The following CEP41 variants were observed in gnomAD, a reference collection of about 807,000 sequenced individuals.
CEP41 encodes the protein centrosomal protein 41.
A neutral mutation model predicts 44.3 loss-of-function variants in CEP41; 32 were observed. The observed-to-expected ratio is 0.72, with a 90% CI of 0.54 to 0.97. The LOEUF is 0.97. Among genes scored for constraint, CEP41 ranks in the 50% least tolerant of loss-of-function variants. CEP41 has a pLI of 0.00. For missense variants in CEP41, 432 were observed against 455.2 expected (o/e 0.95, Z 0.46); for synonymous variants, 151 against 168.5 (o/e 0.90, Z 0.80).
At chr7:130,419,967 A>G in intron 2 of CEP41, 1 of 985,296 alleles carries the variant, frequency 1.0e-6, no homozygotes, top group Non-Finnish European at 1.2e-6. Flanking sequence ...ACACACACAC[A>G]CACACGTATG....
intron 5 of CEP41, among the ~76,000 whole-genome samples, chr7:130,410,357 T>C (rs1554419269): frequency 6.6e-6 from 1 of 152,106 alleles, no homozygotes; most frequent in African/African-American, 2.4e-5. Flanking sequence ...CTTGGTCTTC[T>C]AACTGGAAGT....
chr7:130,431,778 AC>A (rs1336289814), intron 1 of CEP41, among the ~76,000 whole-genome samples: 1 of 152,158 alleles, frequency 6.6e-6, no homozygotes, highest in African/African-American at 2.4e-5. Context: ...AGCGGGAAAT[AC>A]GGGGACAAAC....
In CEP41 at chr7:130,400,038, C is replaced by T; in HGVS notation, c.973+1G>A. 2 of 1,586,122 alleles carry T rather than the reference C, an allele frequency of 1.3e-6. No homozygotes were observed. Among genetic ancestry groups the T allele is most frequent in the Non-Finnish European group, 1.7e-6 (2 of 1,156,092 alleles). On this transcript the variant is annotated splice_donor_variant, in intron 10 of 10. Transcript: ENST00000223208. LOFTEE classifies it high-confidence loss of function. ...TATCTTTAAAGGTCAAAAGATCTTA[C>T]TAGGATGATCTGCAGGCCCTTGCTC...
intron 1 of CEP41, among the ~76,000 whole-genome samples, chr7:130,439,631 T>C (rs1456192070): frequency 6.6e-6 from 1 of 152,204 alleles, no homozygotes; most frequent in South Asian, 2.1e-4. Flanking sequence ...ATGCAGCATT[T>C]AGACATTACC....
At position 130,416,966 on chromosome 7, in the gene CEP41, C is replaced by A. The variant is rs782494512; in HGVS notation, c.98G>T (p.Gly33Val). ...YQHIKSRLDT[G>V]NSMTKYTEKL... is the part of the protein sequence containing the mutation. ...CTCAGTATATTTAGTCATACTGTTA[C>A]CTAAAAAGAAAATAAGGGGTTTTAG... is the stretch of plus-strand genomic sequence containing the variant. The change falls in exon 3 of 11, where the codon GGT (glycine) becomes GTT (valine). Residue 33 changes from glycine to valine, a missense_variant and splice_region_variant. Physicochemically the swap from Gly to Val is moderately radical, Grantham distance 109. Coordinates refer to ENST00000223208, the MANE Select transcript of CEP41 (RefSeq NM_018718.3). 1 of 1,567,654 alleles carries A rather than the reference C, an allele frequency of 6.4e-7. No individual in the cohort carries two copies. Among genetic ancestry groups the A allele is most frequent in the Non-Finnish European group, 8.8e-7 (1 of 1,138,020 alleles).
At position 130,421,967 on chromosome 7, in the gene CEP41, G is replaced by A. The variant is rs1484985554; in HGVS notation, c.98-5001C>T. On this transcript the variant is annotated intron_variant, in intron 2 of 10. Coordinates refer to ENST00000223208, the MANE Select transcript of CEP41 (RefSeq NM_018718.3). Reference sequence around the variant, plus strand: ...AGAAGCATAATCCATTCATGGCACAGTCTGGCAGTGCTGGGGAGCTGGTAA... The same window carrying A: ...AGAAGCATAATCCATTCATGGCACAATCTGGCAGTGCTGGGGAGCTGGTAA... The A allele has an allele frequency of 3.3e-6, 5 of 1,535,940 alleles. No homozygotes were observed. The African/African-American group carries it at 5.5e-5, about 17-fold the overall frequency.
rs1428696410 is a variant in CEP41 at position 130,394,713 on chromosome 7, A to G, written c.*4178T>C. 1 of 454,142 alleles carries G rather than the reference A, an allele frequency of 2.2e-6. No individual in the cohort carries two copies. The highest frequency in any genetic ancestry group is 2.3e-5 in the Admixed American group (1 of 42,582). 28.1% of individuals were successfully genotyped at this position (454,142 alleles called of 1,614,324 possible). ...CAGACTAGCACTGAGTGGCCACCAC[A>G]GTGGGCATCACATCCAAACTTCAAT... On this transcript the variant is annotated 3_prime_UTR_variant, in exon 11 of 11. Coordinates refer to ENST00000223208, the MANE Select transcript of CEP41 (RefSeq NM_018718.3).
At chr7:130,426,612 T>C (rs1457983113) in intron 2 of CEP41, 1 of 455,376 alleles carries the variant, frequency 2.2e-6, no homozygotes, top group Non-Finnish European at 4.4e-6. Context: ...TACAGCATTT[T>C]AAATCTAGGT....
chr7:130,439,506 C>G (rs1036948043), intron 1 of CEP41, among the ~76,000 whole-genome samples: 2 of 152,110 alleles, frequency 1.3e-5, no homozygotes, highest in Non-Finnish European at 2.9e-5. Context: ...GCCCTTGGAT[C>G]AACATCTTCC....
intron 5 of CEP41, among the ~76,000 whole-genome samples, chr7:130,410,307 G>T (rs148866589): frequency 1.3e-5 from 2 of 151,954 alleles, no homozygotes; most frequent in Non-Finnish European, 2.9e-5. Flanking sequence ...GATTATGGGG[G>T]TGAGGCACTG....
At chr7:130,420,928 A>T (rs1290389698) in intron 2 of CEP41, 1 of 981,290 alleles carries the variant, frequency 1.0e-6, no homozygotes. Context: ...TTTTCTTTAA[A>T]CTATGTACAA....
Position 130,396,778 on chromosome 7 carries a change from A to G in CEP41, c.*2113T>C. On this transcript the variant is annotated 3_prime_UTR_variant, in exon 11 of 11. Coordinates refer to ENST00000223208, the MANE Select transcript of CEP41 (RefSeq NM_018718.3). ...CAGGGCAAAGCAAGCACTGTGGAGA[A>G]ATACACATAAATATATCCAACCTGC... 2.2e-6 allele frequency: 1 copy of G among 454,174 alleles called. No individual in the cohort carries two copies. Among genetic ancestry groups the G allele is most frequent in the Non-Finnish European group, 4.4e-6 (1 of 226,766 alleles). The allele number at this position is 454,174 out of a possible 1,614,324, so 28.1% of individuals were successfully genotyped here. A position where few individuals can be genotyped will look rare whatever the true frequency, so the allele number is the denominator to read the frequency against.
intron 1 of CEP41, among the ~76,000 whole-genome samples, chr7:130,433,383 T>C (rs1269604925): frequency 6.7e-6 from 1 of 148,856 alleles, no homozygotes; most frequent in African/African-American, 2.5e-5. Context: ...ATGGGCAAGA[T>C]AAGAGAGGTT....
chr7:130,429,020 T>C (rs1797750313), intron 1 of CEP41, among the ~76,000 whole-genome samples: 1 of 152,248 alleles, frequency 6.6e-6, no homozygotes, highest in South Asian at 2.1e-4. Flanking sequence ...CTGTAAGTCA[T>C]CTGCCTCTGC....
At chr7:130,433,545 T>C (rs1797883096) in intron 1 of CEP41, among the ~76,000 whole-genome samples, 2 of 152,190 alleles carry the variant, frequency 1.3e-5, no homozygotes, top group African/African-American at 4.8e-5. Flanking sequence ...AGTTCCTGTT[T>C]GTGGTATCAT....
chr7:130,420,061 C>T (rs1554421816), intron 2 of CEP41: 3 of 985,246 alleles, frequency 3.0e-6, no homozygotes, highest in African/African-American at 1.7e-5. Flanking sequence ...CTGGATCATG[C>T]CTGCAATCCC....
At chr7:130,426,764 G>C in intron 2 of CEP41, 1 of 425,850 alleles carries the variant, frequency 2.3e-6, no homozygotes, top group Non-Finnish European at 4.6e-6. Context: ...TACGGCCTAA[G>C]AAACAGTACA....
chr7:130,403,925 C>T (rs1796929736), intron 6 of CEP41, among the ~76,000 whole-genome samples: 1 of 152,162 alleles, frequency 6.6e-6, no homozygotes, highest in South Asian at 2.1e-4. Context: ...GAACTAATTT[C>T]TCCAGAACTA....
At chr7:130,405,541 C>A (rs1257539179) in intron 5 of CEP41, among the ~76,000 whole-genome samples, 1 of 152,072 alleles carries the variant, frequency 6.6e-6, no homozygotes, top group African/African-American at 2.4e-5. Context: ...TGCTTACAGA[C>A]CTTTTTGGTA....
Sources: gnomAD v4.1 joint callset for allele counts (sites outside exome capture counted in the v4.1 genomes callset) on GRCh38, gnomAD v4.1.1 for gene constraint, MANE v1.5 for transcripts, NCBI Gene and HGNC (gene_info 2026-07-23, HGNC 2026-07-21) for gene names.